Variants in PIKFYVE observed in about 807,000 individuals in gnomAD.
The protein encoded by PIKFYVE is 1-phosphatidylinositol 3-phosphate 5-kinase.
PIKFYVE carries 122 observed loss-of-function variants against 257.9 expected under a neutral mutation model. The observed-to-expected ratio is 0.47, with a 90% CI of 0.41 to 0.55. The LOEUF is 0.55. Ranked by LOEUF, PIKFYVE falls within the 20% of genes least tolerant of loss-of-function variation. The probability of loss-of-function intolerance (pLI) is 0.00; values close to 1 mark genes in which losing one functional copy is unlikely to be tolerated. For missense variants in PIKFYVE, 2,160 were observed against 2,536.6 expected, an observed-to-expected ratio of 0.85 and a Z score of 3.19; for synonymous variants, 892 against 868.9, an observed-to-expected ratio of 1.03 and a Z score of -0.47.
intron 34 of PIKFYVE, 27 bp downstream of exon 34, chr2:208,346,174 A>G (rs756466956): frequency 1.3e-6 from 2 of 1,530,196 alleles, no homozygotes; most frequent in African/African-American, 1.4e-5. Flanking sequence ...AGGAATATTT[A>G]TAATTAGATT....
At position 208,352,756 on chromosome 2, in the gene PIKFYVE, C is replaced by G. The variant is rs778777623; in HGVS notation, c.5818C>G (p.Leu1940Val). The change falls in exon 39 of 42, where the codon CTT (leucine) becomes GTT (valine). Residue 1940 changes from leucine to valine, a missense_variant. Transcript: ENST00000264380. ...KKLDLLVMEN[L>V]FYGRKMAQVF... ...GTTAGATCTCCTTGTCATGGAAAATCTTTTCTACGGGAGAAAGATGGCACA... is the reference window on the plus strand; with the variant it reads ...GTTAGATCTCCTTGTCATGGAAAATGTTTTCTACGGGAGAAAGATGGCACA... The G allele has an allele frequency of 1.2e-6, 2 of 1,613,596 alleles. No homozygotes were observed. Among genetic ancestry groups the G allele is most frequent in the Non-Finnish European group, 1.7e-6 (2 of 1,179,750 alleles).
intron 6 of PIKFYVE, among the ~76,000 whole-genome samples, chr2:208,286,442 A>C (rs758879166): frequency 1.3e-5 from 2 of 152,150 alleles, no homozygotes; most frequent in Non-Finnish European, 2.9e-5. Context: ...TTGTAAGTAT[A>C]CTGCACTGCT....
intron 20 of PIKFYVE, among the ~76,000 whole-genome samples, chr2:208,327,909 T>G (rs775665474): frequency 1.3e-5 from 2 of 152,226 alleles, no homozygotes; most frequent in Non-Finnish European, 2.9e-5. Flanking sequence ...CAAAATAATT[T>G]AGTGCAGTTG....
At chr2:208,324,795 T>A in intron 18 of PIKFYVE, 116 bp from the exon 19 acceptor site, 1 of 1,302,484 alleles carries the variant, frequency 7.7e-7, no homozygotes, top group Non-Finnish European at 1.1e-6. Flanking sequence ...ATATATTTAT[T>A]AAAAAGGAAA....
chr2:208,316,527 C>G (rs1158884090), intron 15 of PIKFYVE, among the ~76,000 whole-genome samples: 1 of 152,052 alleles, frequency 6.6e-6, no homozygotes, highest in Admixed American at 6.6e-5. Context: ...TCCACATCCT[C>G]TCCAGCACCT....
chr2:208,340,561 G>A (rs1221122776), intron 31 of PIKFYVE, among the ~76,000 whole-genome samples: 1 of 151,992 alleles, frequency 6.6e-6, no homozygotes, highest in Non-Finnish European at 1.5e-5. Flanking sequence ...TTTTTATGGG[G>A]TGCACTCAAA....
At chr2:208,339,379 G>A (rs370095259) in intron 29 of PIKFYVE, 39 bp from the exon 30 acceptor site, 44 of 1,605,928 alleles carry the variant, frequency 2.7e-5, no homozygotes, top group Non-Finnish European at 3.6e-5. Context: ...TGGACTTAAT[G>A]TATGTAAATG....
intron 5 of PIKFYVE, 111 bp downstream of exon 5, chr2:208,277,819 A>C: frequency 8.8e-7 from 1 of 1,139,274 alleles, no homozygotes; most frequent in South Asian, 1.3e-5. Flanking sequence ...TGTGTAAGAC[A>C]TGGGGACACA....
intron 16 of PIKFYVE, among the ~76,000 whole-genome samples, chr2:208,319,027 C>T (rs949632547): frequency 6.6e-6 from 1 of 151,556 alleles, no homozygotes; most frequent in Non-Finnish European, 1.5e-5. Flanking sequence ...TTTGAGATAC[C>T]ATTTATCTAT....
intron 1 of PIKFYVE, chr2:208,269,240 C>A (rs950833542): frequency 6.6e-6 from 1 of 152,230 alleles, no homozygotes; most frequent in Non-Finnish European, 1.5e-5. Context: ...AAGGGAGGAA[C>A]CTTGTCTTTA....
At chr2:208,328,316 G>C in intron 21 of PIKFYVE, 36 bp downstream of exon 21, 2 of 1,611,716 alleles carry the variant, frequency 1.2e-6, no homozygotes, top group Non-Finnish European at 1.7e-6. Context: ...TTCCACATAA[G>C]AACAGAATTC....
At chr2:208,319,441 A>G (rs894193032) in intron 16 of PIKFYVE, among the ~76,000 whole-genome samples, 1 of 152,184 alleles carries the variant, frequency 6.6e-6, no homozygotes, top group African/African-American at 2.4e-5. Flanking sequence ...TAAGAGGTAA[A>G]TATGTTGTGC....
At chr2:208,324,818 A>G in intron 18 of PIKFYVE, 93 bp from the exon 19 acceptor site, 1 of 1,443,026 alleles carries the variant, frequency 6.9e-7, no homozygotes, top group South Asian at 1.2e-5. Flanking sequence ...TGTGAATGTT[A>G]TTTTTTAATT....
intron 5 of PIKFYVE, among the ~76,000 whole-genome samples, chr2:208,283,493 G>A (rs996301453): frequency 3.3e-5 from 5 of 152,142 alleles, no homozygotes; most frequent in Non-Finnish European, 7.3e-5. Context: ...CTGGTTAGGC[G>A]AGATTTCCTT....
chr2:208,266,944 C>T (rs189157004), intron 1 of PIKFYVE, among the ~76,000 whole-genome samples: 16 of 152,270 alleles, frequency 1.1e-4, no homozygotes, highest in African/African-American at 3.6e-4. Context: ...GCATTATTTC[C>T]CAATTAGTGT....
rs1473585449 is a variant in PIKFYVE, at chr2:208,271,587, G to C, written c.68G>C (p.Ser23Thr). 6.2e-7 allele frequency: 1 copy of C among 1,614,024 alleles called. No homozygotes were observed. Among genetic ancestry groups the C allele is most frequent in the South Asian group, 1.1e-5 (1 of 91,082 alleles). ...SANDLPRSPT[S>T]PSHLTHFKPL... ...AATGATTTGCCTCGATCTCCTACTA[G>C]TCCTTCTCATCTCACACACTTTAAA... Residue 23 changes from serine to threonine, a missense_variant, in exon 2 of 42, where the codon AGT becomes ACT. Physicochemically the swap from Ser to Thr is moderately conservative, Grantham distance 58. Coordinates refer to ENST00000264380, the MANE Select transcript of PIKFYVE (RefSeq NM_015040.4).
At chr2:208,284,941 G>A (rs973087223) in intron 5 of PIKFYVE, among the ~76,000 whole-genome samples, 4 of 151,634 alleles carry the variant, frequency 2.6e-5, no homozygotes, top group Admixed American at 2.6e-4. Flanking sequence ...TTCTGCCTTG[G>A]CCCCCCAAAG....
chr2:208,327,018 C>T (rs1287715812), intron 20 of PIKFYVE, among the ~76,000 whole-genome samples: 1 of 152,004 alleles, frequency 6.6e-6, no homozygotes, highest in East Asian at 1.9e-4. Context: ...TGAGGAAATG[C>T]AATTGTTTAA....
In PIKFYVE at chr2:208,269,411, C is replaced by CCAT. The variant is rs571673431; in HGVS notation, c.-9-2098_-9-2096dup. 5.3e-4 allele frequency: 126 copies of CCAT among 238,222 alleles called. 1 individual carries two copies. The South Asian group carries it at 7.5e-3, about 14-fold the overall frequency. 14.8% of individuals were successfully genotyped at this position (238,222 alleles called of 1,614,324 possible). On this transcript the variant is annotated intron_variant, in intron 1 of 41. Transcript: ENST00000264380. ...TCCTCATGTCCTGCCAGAACAGTCT[C>CCAT]CATCTCCTCCTCAGCCATCTTCCCT...
Sources: allele counts gnomAD v4.1 joint callset (sites outside exome capture counted in the v4.1 genomes callset), GRCh38; gene constraint gnomAD v4.1.1; transcripts MANE v1.5; gene names NCBI Gene and HGNC (gene_info 2026-07-23, HGNC 2026-07-21).